The following ZNF593OS variants were observed in gnomAD, a reference collection of about 807,000 sequenced individuals.
The protein encoded by ZNF593OS is ZNF593 opposite strand.
At position 26,171,039 on chromosome 1, in the gene ZNF593OS, C is replaced by A; in HGVS notation, c.*150G>T. The A allele has an allele frequency of 2.0e-6, 1 of 508,820 alleles. No individual in the cohort carries two copies. Among genetic ancestry groups the A allele is most frequent in the Non-Finnish European group, 3.4e-6 (1 of 289,864 alleles). The allele number at this position is 508,820 out of a possible 1,614,324, so 31.5% of individuals were successfully genotyped here. ...CTGAACTGGAGCACCCAGATGGAGG[C>A]CTGATGCAGTGTGGGGTGGCGGGAG... On this transcript the variant is annotated 3_prime_UTR_variant, in exon 2 of 2. Transcript: ENST00000648649. The surrounding 1 kb of genome is among the most constrained non-coding windows in gnomAD (Gnocchi z 5.5).
At chr1:26,170,017 G>A (rs552231383), downstream of ZNF593OS, 4 of 1,563,672 alleles carry the variant, frequency 2.6e-6, no homozygotes, top group African/African-American at 2.7e-5. Context: ...CGCGCACCGA[G>A]CGCACTCTCT....
downstream of ZNF593OS, chr1:26,170,359 A>G (rs2088475224): frequency 6.4e-7 from 1 of 1,572,544 alleles, no homozygotes; most frequent in African/African-American, 1.4e-5. Flanking sequence ...GGCTAGGGAG[A>G]TAGGTGCACT....
chr1:26,170,137 G>T, downstream of ZNF593OS: 2 of 1,571,964 alleles, frequency 1.3e-6, no homozygotes, highest in African/African-American at 1.4e-5. Flanking sequence ...CGCCGAGTTC[G>T]ACCCCGACCT....
chr1:26,171,807 T>C lies in ZNF593OS; in HGVS notation c.-146A>G, dbSNP rs2088500139. 5.1e-6 allele frequency: 2 copies of C among 395,778 alleles called. No individual in the cohort carries two copies. Among genetic ancestry groups the C allele is most frequent in the Non-Finnish European group, 8.9e-6 (2 of 224,896 alleles). 24.5% of individuals were successfully genotyped at this position (395,778 alleles called of 1,614,324 possible). On this transcript the variant is annotated 5_prime_UTR_variant, in exon 1 of 2. Transcript: ENST00000648649. This position sits in a 1 kb window ranked among gnomAD's most constrained non-coding sequence, Gnocchi z 5.5. ...CAAGACCCAAGCTCTCAGAGGATGC[T>C]CACCCGCGCCTGCCTGCCCAGGTCT...
At chr1:26,170,107 C>T, downstream of ZNF593OS, 1 of 1,569,972 alleles carries the variant, frequency 6.4e-7, no homozygotes, top group East Asian at 2.3e-5. Context: ...GGGATCCGCA[C>T]GACCCCAGCC....
At chr1:26,170,290 C>T (rs2088474432), downstream of ZNF593OS, 22 of 1,531,956 alleles carry the variant, frequency 1.4e-5, no homozygotes, top group African/African-American at 2.7e-5. Context: ...TCTTGGGACC[C>T]GTGGGTCCGC....
chr1:26,169,595 G>A (rs2088461492), downstream of ZNF593OS: 6 of 245,760 alleles, frequency 2.4e-5, no homozygotes, highest in Admixed American at 3.4e-4. Context: ...CCCCCACCGC[G>A]GAGTCCAAGG....
At chr1:26,170,526 T>C (rs760340188) in exon 2 of ZNF593OS, 24 of 1,614,042 alleles carry the variant, frequency 1.5e-5, no homozygotes, top group Non-Finnish European at 8.5e-7. Flanking sequence ...GCTCAGCAGA[T>C]AGGGCTCTCA....
chr1:26,170,197 G>T (rs749793355), downstream of ZNF593OS: 6 of 1,575,680 alleles, frequency 3.8e-6, no homozygotes, highest in Non-Finnish European at 5.1e-6. Flanking sequence ...AGTCCCGGAC[G>T]AGCCCGGCCT....
downstream of ZNF593OS, chr1:26,170,428 A>T: frequency 6.2e-7 from 1 of 1,613,980 alleles, no homozygotes; most frequent in Non-Finnish European, 8.5e-7. Flanking sequence ...GAGGTACTTC[A>T]TCGATTCCAC....
downstream of ZNF593OS, chr1:26,169,853 A>G: frequency 1.0e-6 from 1 of 1,003,234 alleles, no homozygotes; most frequent in Non-Finnish European, 1.4e-6. Flanking sequence ...GAGTGACGTC[A>G]TCAGAGGCGG....
downstream of ZNF593OS, chr1:26,170,083 G>C (rs750736560): frequency 1.9e-6 from 3 of 1,572,944 alleles, no homozygotes; most frequent in East Asian, 4.6e-5. Context: ...GATTCACCGC[G>C]AGCTGCGGCC....
chr1:26,170,419 A>G (rs1296134068), downstream of ZNF593OS: 1 of 1,613,652 alleles, frequency 6.2e-7, no homozygotes, highest in East Asian at 2.2e-5. Context: ...TTCCTACAGG[A>G]GGTACTTCAT....
downstream of ZNF593OS, chr1:26,170,484 T>C (rs887200696): frequency 1.2e-6 from 2 of 1,613,974 alleles, no homozygotes; most frequent in Admixed American, 3.3e-5. Flanking sequence ...AGAAAAGGTA[T>C]GAAGGAGTAA....
rs2088497497 is a variant in ZNF593OS, at chr1:26,171,551, A to C, written c.45+66T>G. ...TGACAGCCTGGCTGTTGGGGGTGTC[A>C]ACCCAGCTATGGTAGGGGGAGGAAG... On this transcript the variant is annotated intron_variant, in intron 1 of 1. Coordinates refer to ENST00000648649, the Ensembl canonical transcript of ZNF593OS. The surrounding 1 kb of genome is among the most constrained non-coding windows in gnomAD (Gnocchi z 5.5). 1.5e-5 allele frequency: 6 copies of C among 398,604 alleles called. No individual in the cohort carries two copies. In the East Asian group the frequency reaches 2.1e-4, roughly 14 times the overall value. The allele number at this position is 398,604 out of a possible 1,614,324, so 24.7% of individuals were successfully genotyped here.
exon 2 of ZNF593OS, chr1:26,170,939 A>G (rs1381766517): frequency 1.3e-5 from 8 of 618,056 alleles, no homozygotes; most frequent in Admixed American, 8.9e-5. Flanking sequence ...CTTCTCTACT[A>G]CTTTCTGTAC....
exon 2 of ZNF593OS, chr1:26,170,677 A>T: frequency 6.2e-7 from 1 of 1,610,518 alleles, no homozygotes; most frequent in Non-Finnish European, 8.5e-7. Context: ...TGCCCACGGA[A>T]GTGTCCACTG....
chr1:26,171,494 T>A lies in ZNF593OS; in HGVS notation c.45+123A>T. 1 of 398,608 alleles carries A rather than the reference T, an allele frequency of 2.5e-6. No individual in the cohort carries two copies. Among genetic ancestry groups the A allele is most frequent in the Non-Finnish European group, 4.4e-6 (1 of 226,180 alleles). 24.7% of individuals were successfully genotyped at this position (398,608 alleles called of 1,614,324 possible). ...CCAATCCCTTTCGCCTCACTGCCCA[T>A]CTGGGCCTGCCTGCTCAGGCGGCAG... On this transcript the variant is annotated intron_variant, in intron 1 of 1. Transcript: ENST00000648649. This position sits in a 1 kb window ranked among gnomAD's most constrained non-coding sequence, Gnocchi z 5.5.
At chr1:26,170,661 T>C (rs2088486915) in exon 2 of ZNF593OS, 3 of 1,611,758 alleles carry the variant, frequency 1.9e-6, no homozygotes, top group African/African-American at 2.7e-5. Flanking sequence ...CCCAGGCGGC[T>C]GGCAGTGCCC....
Sources: gnomAD v4.1 joint callset for allele counts on GRCh38, gnomAD v4.1.1 for gene constraint, Gnocchi (gnomAD v3.1) non-coding constraint, MANE v1.5 for transcripts, NCBI Gene and HGNC (gene_info 2026-07-23, HGNC 2026-07-21) for gene names.